Variants in PXDNL observed in about 807,000 individuals in gnomAD.
PXDNL encodes the protein peroxidasin like.
In PXDNL, 145 loss-of-function variants were observed where a neutral mutation model predicts 150.8. The ratio of observed to expected loss-of-function variants is 0.96; its 90% confidence interval spans 0.84 to 1.10. The LOEUF is 1.10. Ranked by LOEUF, PXDNL falls within the 50% of genes least tolerant of loss-of-function variation. The pLI is 0.00. For synonymous variants in PXDNL, 757 were observed against 725.7 expected, an observed-to-expected ratio of 1.04 and a Z score of -0.69; for missense variants, 2,087 against 1,873.9, an observed-to-expected ratio of 1.11 and a Z score of -2.10.
At chr8:51,399,805 A>G (rs1808194262) in intron 17 of PXDNL, among the ~76,000 whole-genome samples, 1 of 152,240 alleles carries the variant, frequency 6.6e-6, no homozygotes, top group South Asian at 2.1e-4. Context: ...AATGCATTAA[A>G]TTGCATTCAG....
intron 1 of PXDNL, among the ~76,000 whole-genome samples, chr8:51,676,150 C>G (rs10101657): frequency 0.83 from 126,570 of 151,864 alleles, 52,954 homozygotes; most frequent in African/African-American, 0.9. Flanking sequence ...GACTCTATTA[C>G]TGATGTTGTT....
intron 5 of PXDNL, 59 bp downstream of exon 5, chr8:51,499,640 G>T: frequency 7.5e-7 from 1 of 1,325,006 alleles, no homozygotes; most frequent in Non-Finnish European, 1.1e-6. Flanking sequence ...AGTCAGATGG[G>T]TTGTATAAAT....
chr8:51,338,219 A>T (rs544860244), intron 21 of PXDNL, among the ~76,000 whole-genome samples: 1 of 151,082 alleles, frequency 6.6e-6, no homozygotes, highest in African/African-American at 2.4e-5. Context: ...AAAGATTCAG[A>T]TTGGACAAGT....
chr8:51,577,774 C>T (rs989910862), intron 3 of PXDNL, among the ~76,000 whole-genome samples: 1 of 150,342 alleles, frequency 6.7e-6, no homozygotes, highest in Admixed American at 6.7e-5. Flanking sequence ...GTAATCTTAT[C>T]AGTAATGGTT....
At chr8:51,608,871 A>G (rs1813937364) in intron 2 of PXDNL, among the ~76,000 whole-genome samples, 1 of 149,114 alleles carries the variant, frequency 6.7e-6, no homozygotes. Flanking sequence ...AAAGTATTGC[A>G]TTGAGTGAAG....
At chr8:51,593,218 C>G (rs1813486218) in intron 2 of PXDNL, among the ~76,000 whole-genome samples, 1 of 152,054 alleles carries the variant, frequency 6.6e-6, no homozygotes, top group South Asian at 2.1e-4. Context: ...AAAACGATTT[C>G]TAAAAAATCC....
chr8:51,793,359 A>G (rs778552345), intron 1 of PXDNL, among the ~76,000 whole-genome samples: 1 of 152,228 alleles, frequency 6.6e-6, no homozygotes, highest in Non-Finnish European at 1.5e-5. Context: ...AAAACCAGAT[A>G]ATATCACTCA....
chr8:51,435,947 A>G (rs1809395895), intron 12 of PXDNL: 5 of 503,326 alleles, frequency 9.9e-6, no homozygotes, highest in South Asian at 3.0e-5. Flanking sequence ...ACTGTAATAA[A>G]TGCATCTACT....
At chr8:51,618,415 C>G (rs10101697) in intron 2 of PXDNL, among the ~76,000 whole-genome samples, 12,904 of 152,254 alleles carry the variant, frequency 0.085, 708 homozygotes, top group African/African-American at 0.14. Flanking sequence ...AACTGGGAAC[C>G]AGGCATCATG....
At chr8:51,484,881 A>T (rs1244667621) in intron 5 of PXDNL, among the ~76,000 whole-genome samples, 1 of 152,256 alleles carries the variant, frequency 6.6e-6, no homozygotes, top group East Asian at 1.9e-4. Context: ...AGGACTACTG[A>T]ATACATATTT....
intron 1 of PXDNL, among the ~76,000 whole-genome samples, chr8:51,794,732 C>T (rs1168807689): frequency 1.3e-5 from 2 of 152,176 alleles, no homozygotes; most frequent in African/African-American, 4.8e-5. Context: ...ACCAATGACA[C>T]TGTGAAGCAA....
chr8:51,645,198 C>A (rs757035433), intron 2 of PXDNL, among the ~76,000 whole-genome samples: 29 of 152,018 alleles, frequency 1.9e-4, no homozygotes, highest in African/African-American at 6.8e-4. Flanking sequence ...AGTGCAAATT[C>A]CTCCTCCCTC....
intron 2 of PXDNL, among the ~76,000 whole-genome samples, chr8:51,645,716 A>G (rs1008051522): frequency 6.6e-6 from 1 of 152,254 alleles, no homozygotes; most frequent in Non-Finnish European, 1.5e-5. Context: ...CCTGAAATGG[A>G]GAAATTTACA....
chr8:51,798,757 T>C (rs2037588352), intron 1 of PXDNL, among the ~76,000 whole-genome samples: 1 of 152,184 alleles, frequency 6.6e-6, no homozygotes. Context: ...GTTCAACCAT[T>C]GTGGAAGACA....
intron 1 of PXDNL, among the ~76,000 whole-genome samples, chr8:51,731,666 G>A (rs1232248208): frequency 6.6e-6 from 1 of 152,232 alleles, no homozygotes; most frequent in Non-Finnish European, 1.5e-5. Flanking sequence ...CCTATGCCTG[G>A]ACACCCAGGC....
At chr8:51,625,148 A>C (rs1286568130) in intron 2 of PXDNL, among the ~76,000 whole-genome samples, 1 of 152,216 alleles carries the variant, frequency 6.6e-6, no homozygotes, top group Non-Finnish European at 1.5e-5. Context: ...CTTTGGAGTC[A>C]GAGTGAAAGG....
chr8:51,335,384 T>A (rs1226599230), intron 21 of PXDNL, among the ~76,000 whole-genome samples: 1 of 152,094 alleles, frequency 6.6e-6, no homozygotes, highest in Non-Finnish European at 1.5e-5. Context: ...CTATCCTAAG[T>A]GCAGTTGTCA....
At chr8:51,596,749 G>T (rs1813576015) in intron 2 of PXDNL, among the ~76,000 whole-genome samples, 1 of 151,854 alleles carries the variant, frequency 6.6e-6, no homozygotes, top group Non-Finnish European at 1.5e-5. Flanking sequence ...TTTTATTGAG[G>T]TTATTTGTTT....
intron 11 of PXDNL, 120 bp downstream of exon 11, chr8:51,448,882 C>T: frequency 1.4e-6 from 1 of 704,550 alleles, no homozygotes; most frequent in Non-Finnish European, 2.6e-6. Flanking sequence ...AGATTATTTT[C>T]TGTGTAATTT....
Sources: gnomAD v4.1 joint callset for allele counts (sites outside exome capture counted in the v4.1 genomes callset) on GRCh38, gnomAD v4.1.1 for gene constraint, MANE v1.5 for transcripts, NCBI Gene and HGNC (gene_info 2026-07-23, HGNC 2026-07-21) for gene names.